The following LRIG3 variants were observed in gnomAD, a reference collection of about 807,000 sequenced individuals.
LRIG3 encodes leucine rich repeats and immunoglobulin like domains 3, also known as leucine-rich repeats and immunoglobulin-like domains protein 3.
Under a neutral mutation model 114.5 loss-of-function variants are expected in LRIG3, and 76 were observed. The observed-to-expected ratio is 0.66, with a 90% CI of 0.55 to 0.80. LRIG3 has a LOEUF of 0.80. LRIG3 is among the 30% of genes least tolerant of loss of function. LRIG3 has a pLI of 0.00. For missense variants in LRIG3, 1,239 were observed against 1,382.8 expected (o/e 0.90, Z 1.65); for synonymous variants, 512 against 519.8 (o/e 0.98, Z 0.20).
chr12:58,898,300 GGAAAT>G (rs1186952248), intron 3 of LRIG3, among the ~76,000 whole-genome samples: 7 of 152,110 alleles, frequency 4.6e-5, no homozygotes, highest in Non-Finnish European at 1.0e-4. Context: ...GTAAACAGAG[GGAAAT>G]GAAATGAAAT....
At chr12:58,875,440 T>C (rs1401990555) in intron 16 of LRIG3, among the ~76,000 whole-genome samples, 1 of 152,212 alleles carries the variant, frequency 6.6e-6, no homozygotes, top group Non-Finnish European at 1.5e-5. Context: ...ATTGAAAACA[T>C]ATACTTCTCT....
chr12:58,880,559 A>G lies in LRIG3; in HGVS notation c.1801+22T>C, dbSNP rs763416675. On this transcript the variant is annotated intron_variant, in intron 13 of 18. Transcript: ENST00000320743. ...TTCTAAAAGGTATCTTTAAATGCTA[A>G]AGGAAAAGTCAGATCACATACTATT... 9 of 1,601,530 alleles carry G rather than the reference A, an allele frequency of 5.6e-6. No individual in the cohort carries two copies. The Admixed American group carries it at 1.5e-4, about 27-fold the overall frequency.
At chr12:58,896,589 C>A (rs1161409460) in intron 3 of LRIG3, among the ~76,000 whole-genome samples, 1 of 152,208 alleles carries the variant, frequency 6.6e-6, no homozygotes, top group Non-Finnish European at 1.5e-5. Flanking sequence ...TAAGGACATG[C>A]AATCTAGGCA....
chr12:58,897,594 C>A (rs1056831236), intron 3 of LRIG3, among the ~76,000 whole-genome samples: 14 of 152,014 alleles, frequency 9.2e-5, no homozygotes, highest in African/African-American at 3.1e-4. Flanking sequence ...ACAACAACAA[C>A]AAAAAATCAA....
At chr12:58,887,765 C>T (rs1223694685) in intron 8 of LRIG3, 24 bp downstream of exon 8, 1 of 1,609,686 alleles carries the variant, frequency 6.2e-7, no homozygotes, top group East Asian at 2.2e-5. Flanking sequence ...CGTTCGAGTA[C>T]TGACAGCAAA....
chr12:58,914,931 A>G (rs1382296260), intron 1 of LRIG3, among the ~76,000 whole-genome samples: 2 of 152,216 alleles, frequency 1.3e-5, no homozygotes, highest in Non-Finnish European at 2.9e-5. Context: ...TGATAATATA[A>G]AATTTAAACC....
chr12:58,907,673 GATAA>G (rs535796262), intron 3 of LRIG3, among the ~76,000 whole-genome samples: 2 of 152,180 alleles, frequency 1.3e-5, no homozygotes, highest in Non-Finnish European at 2.9e-5. Flanking sequence ...TGTTTTCACA[GATAA>G]ACAAAGAAAA....
At chr12:58,883,480 T>C in intron 11 of LRIG3, 40 bp downstream of exon 11, 2 of 1,442,476 alleles carry the variant, frequency 1.4e-6, no homozygotes, top group Non-Finnish European at 1.9e-6. Flanking sequence ...AGTTTTCCCC[T>C]CTATACTTTC....
intron 3 of LRIG3, among the ~76,000 whole-genome samples, chr12:58,908,579 T>C (rs111509468): frequency 6.6e-6 from 1 of 152,224 alleles, no homozygotes; most frequent in Admixed American, 6.5e-5. Context: ...TTAAGTGACT[T>C]CTCTTGTTCT....
intron 3 of LRIG3, among the ~76,000 whole-genome samples, chr12:58,896,096 A>G (rs76240933): frequency 0.025 from 3,854 of 152,306 alleles, 126 homozygotes; most frequent in East Asian, 0.098. Flanking sequence ...ACAGCCCAAT[A>G]CTGGCATTTT....
chr12:58,892,156 C>T (rs910679539), intron 3 of LRIG3, among the ~76,000 whole-genome samples: 10 of 152,058 alleles, frequency 6.6e-5, no homozygotes, highest in South Asian at 2.1e-4. Context: ...GGCAATCAAA[C>T]GGATGTGCAA....
intron 3 of LRIG3, among the ~76,000 whole-genome samples, chr12:58,908,142 G>T (rs1422116161): frequency 6.6e-6 from 1 of 152,182 alleles, no homozygotes; most frequent in East Asian, 1.9e-4. Context: ...TGCATGATGT[G>T]ATGGAACCAC....
At chr12:58,873,653 G>A (rs561357479) in intron 18 of LRIG3, 34 of 194,638 alleles carry the variant, frequency 1.7e-4, no homozygotes, top group South Asian at 1.6e-3. Context: ...TCCACCCTTC[G>A]ACTGCGGGTT....
chr12:58,881,388 C>A (rs1871122399), intron 12 of LRIG3, among the ~76,000 whole-genome samples: 1 of 148,608 alleles, frequency 6.7e-6, no homozygotes, highest in South Asian at 2.1e-4. Context: ...CAAAACAGAA[C>A]CACTATTTAA....
chr12:58,876,576 G>A lies in LRIG3; in HGVS notation c.2564C>T (p.Pro855Leu). Reference sequence around the variant, plus strand: ...CGTTCCCTGAGATGACAAATAACTAGGAATATCTGCTGGCAAGTTGGTCTC... The same window carrying A: ...CGTTCCCTGAGATGACAAATAACTAAGAATATCTGCTGGCAAGTTGGTCTC... ...TDETNLPADI[P>L]SYLSSQGTLA... is the part of the protein sequence containing the mutation. Residue 855 changes from proline to leucine, a missense_variant, in exon 16 of 19, where the codon CCT (proline) becomes CTT (leucine). By Grantham distance (98) the Pro-to-Leu change is moderately conservative. Coordinates refer to ENST00000320743, the MANE Select transcript of LRIG3 (RefSeq NM_153377.5). The A allele has an allele frequency of 6.2e-7, 1 of 1,614,144 alleles. No individual in the cohort carries two copies. Among genetic ancestry groups the A allele is most frequent in the Non-Finnish European group, 8.5e-7 (1 of 1,180,012 alleles).
intron 1 of LRIG3, among the ~76,000 whole-genome samples, chr12:58,917,570 T>C (rs552996842): frequency 9.8e-5 from 15 of 152,308 alleles, no homozygotes; most frequent in African/African-American, 3.4e-4. Context: ...ACAGTATTAT[T>C]ATTTTACAGC....
intron 16 of LRIG3, among the ~76,000 whole-genome samples, 183 bp from the exon 17 acceptor site, chr12:58,874,756 T>C (rs1302469037): frequency 6.6e-6 from 1 of 152,248 alleles, no homozygotes; most frequent in Non-Finnish European, 1.5e-5. Context: ...TTAGCCATTG[T>C]GCTAGGTGTG....
At chr12:58,883,217 C>T (rs986897722) in intron 11 of LRIG3, among the ~76,000 whole-genome samples, 185 bp from the exon 12 acceptor site, 2 of 152,146 alleles carry the variant, frequency 1.3e-5, no homozygotes, top group African/African-American at 4.8e-5. Flanking sequence ...TTCTGTTGTT[C>T]TTACTGTCCT....
chr12:58,910,224 T>G (rs926077255), intron 3 of LRIG3, among the ~76,000 whole-genome samples: 2 of 152,336 alleles, frequency 1.3e-5, no homozygotes, highest in South Asian at 2.1e-4. Context: ...ATGCAATATC[T>G]GATAAGAATA....
Sources: allele counts gnomAD v4.1 joint callset (sites outside exome capture counted in the v4.1 genomes callset), GRCh38; gene constraint gnomAD v4.1.1; transcripts MANE v1.5; gene names NCBI Gene and HGNC (gene_info 2026-07-23, HGNC 2026-07-21).